Variants in G3BP2 observed in about 807,000 individuals in gnomAD.
G3BP2 encodes G3BP stress granule assembly factor 2, also known as ras GTPase-activating protein-binding protein 2.
G3BP2 carries 11 observed loss-of-function variants against 56.7 expected under a neutral mutation model. That is an observed-to-expected ratio of 0.19 (90% CI 0.12 to 0.32). The LOEUF (loss-of-function observed/expected upper bound fraction) is 0.32, where lower values mean the gene tolerates loss of function less well. Among genes scored for constraint, G3BP2 ranks in the 10% least tolerant of loss-of-function variants. The probability of loss-of-function intolerance (pLI) is 1.00; values close to 1 mark genes in which losing one functional copy is unlikely to be tolerated. For synonymous variants in G3BP2, 165 were observed against 191.6 expected, an observed-to-expected ratio of 0.86 and a Z score of 1.15; for missense variants, 340 against 610.9, an observed-to-expected ratio of 0.56 and a Z score of 4.67.
At chr4:75,685,739 A>T (rs994022094) in intron 3 of G3BP2, among the ~76,000 whole-genome samples, 3 of 152,212 alleles carry the variant, frequency 2.0e-5, no homozygotes, top group Non-Finnish European at 2.9e-5. Context: ...TTATTTTTAG[A>T]CAGTATGGTC....
chr4:75,677,413 A>G (rs893108558), upstream of G3BP2, among the ~76,000 whole-genome samples: 6 of 152,070 alleles, frequency 3.9e-5, no homozygotes, highest in African/African-American at 1.4e-4. Context: ...TCTACTAAAA[A>G]TACAAAAATT....
chr4:75,674,718 A>ATATATATATTTTT (rs1241041465), upstream of G3BP2, among the ~76,000 whole-genome samples: 1 of 71,424 alleles, frequency 1.4e-5, no homozygotes, highest in African/African-American at 5.9e-5. Flanking sequence ...ATATATATAT[A>ATATATATATTTTT]TTTTTTTTTT....
At chr4:75,694,174 C>T (rs1718998942) in intron 3 of G3BP2, among the ~76,000 whole-genome samples, 1 of 152,172 alleles carries the variant, frequency 6.6e-6, no homozygotes, top group Non-Finnish European at 1.5e-5. Flanking sequence ...AGGAGAATCC[C>T]TCTATTAATA....
intron 3 of G3BP2, 108 bp downstream of exon 3, chr4:75,658,735 A>AG: frequency 1.3e-6 from 1 of 776,152 alleles, no homozygotes; most frequent in East Asian, 2.5e-5. Context: ...CTCAAAAAAA[A>AG]AAGAGAAAGA....
chr4:75,709,321 G>A (rs1436670741), intron 3 of G3BP2, among the ~76,000 whole-genome samples: 2 of 149,548 alleles, frequency 1.3e-5, no homozygotes, highest in Non-Finnish European at 1.5e-5. Flanking sequence ...TCAGGAGGCT[G>A]AGGAAGGAGA....
At chr4:75,653,947 CA>C in intron 8 of G3BP2, 35 bp downstream of exon 8, 1 of 912,194 alleles carries the variant, frequency 1.1e-6, no homozygotes, top group Non-Finnish European at 1.8e-6. Context: ...GGCAATGTAA[CA>C]AGGATACAAT....
intron 3 of G3BP2, chr4:75,695,025 A>ACAGG: frequency 1.5e-6 from 1 of 675,870 alleles, no homozygotes; most frequent in Non-Finnish European, 1.8e-6. Flanking sequence ...CTCAAGAGCC[A>ACAGG]GTATCCAGAA....
chr4:75,643,315 A>ATATATATATATATATATATATATATATG lies in G3BP2; in HGVS notation c.*2114_*2115insCATATATATATATATATATATATATATA, dbSNP rs1166357883. The ATATATATATATATATATATATATATATG allele has an allele frequency of 1.6e-4, 22 of 135,660 alleles. No individual in the cohort carries two copies. The highest frequency in any genetic ancestry group is 9.0e-4 in the South Asian group (4 of 4,430). 8.4% of individuals were successfully genotyped at this position (135,660 alleles called of 1,614,324 possible). ...GGAAATTATATATATATATATATATATGGAAACAGAAATACAAGAAAATAT... is the reference window on the plus strand; with the variant it reads ...GGAAATTATATATATATATATATATATATATATATATATATATATATATATATGTGGAAACAGAAATACAAGAAAATAT... On this transcript the variant is annotated 3_prime_UTR_variant, in exon 12 of 12. Coordinates refer to ENST00000359707, the MANE Select transcript of G3BP2 (RefSeq NM_203505.3).
rs1312680131 is a variant in G3BP2, at chr4:75,643,526, T to C, written c.*1904A>G. On this transcript the variant is annotated 3_prime_UTR_variant, in exon 12 of 12. Coordinates refer to ENST00000359707, the MANE Select transcript of G3BP2 (RefSeq NM_203505.3). ...CCCCCAAAAATGGAAACTATGAAAA[T>C]CTGTGTCCCCAAAATATATGCAATA... 6.8e-6 allele frequency: 1 copy of C among 147,440 alleles called. No homozygotes were observed. Among genetic ancestry groups the C allele is most frequent in the Admixed American group, 6.8e-5 (1 of 14,786 alleles). The allele number at this position is 147,440 out of a possible 1,614,324, so 9.1% of individuals were successfully genotyped here.
At chr4:75,707,349 C>T (rs1316811573) in intron 3 of G3BP2, among the ~76,000 whole-genome samples, 1 of 151,812 alleles carries the variant, frequency 6.6e-6, no homozygotes, top group East Asian at 1.9e-4. Context: ...ATCGGCAGCG[C>T]CGTGGCTCAC....
intron 3 of G3BP2, among the ~76,000 whole-genome samples, chr4:75,707,603 CA>C (rs34253273): frequency 9.9e-4 from 116 of 116,782 alleles, no homozygotes; most frequent in Middle Eastern, 4.9e-3. Flanking sequence ...GAGCGAGACT[CA>C]AAAAAAAAAA....
chr4:75,680,741 C>T (rs934849493), intron 3 of G3BP2, among the ~76,000 whole-genome samples: 18 of 151,340 alleles, frequency 1.2e-4, no homozygotes, highest in African/African-American at 3.6e-4. Context: ...CTGAGGCGGG[C>T]GGATCGCGAG....
chr4:75,673,045 C>T (rs1733623587), intron 1 of G3BP2, 163 bp downstream of exon 1: 3 of 995,354 alleles, frequency 3.0e-6, no homozygotes, highest in South Asian at 4.7e-5. Flanking sequence ...TCTTCTCTCA[C>T]GCACACACGG....
intron 2 of G3BP2, 190 bp downstream of exon 2, chr4:75,661,741 A>G: frequency 1.8e-6 from 1 of 551,458 alleles, no homozygotes; most frequent in Non-Finnish European, 3.3e-6. Flanking sequence ...TATGACATAA[A>G]ATGTTTTTAT....
At chr4:75,699,400 G>A (rs1283906210) in intron 3 of G3BP2, among the ~76,000 whole-genome samples, 3 of 152,290 alleles carry the variant, frequency 2.0e-5, no homozygotes, top group South Asian at 2.1e-4. Flanking sequence ...TACCCAGTGG[G>A]AGTCATTATT....
chr4:75,673,407 G>C lies in G3BP2; in HGVS notation c.-224C>G. The C allele has an allele frequency of 8.1e-7, 1 of 1,232,246 alleles. No homozygotes were observed. Among genetic ancestry groups the C allele is most frequent in the Non-Finnish European group, 1.0e-6 (1 of 988,044 alleles). The allele number at this position is 1,232,246 out of a possible 1,614,324, so 76.3% of individuals were successfully genotyped here. On this transcript the variant is annotated 5_prime_UTR_variant, in exon 1 of 12. Coordinates refer to ENST00000359707, the MANE Select transcript of G3BP2 (RefSeq NM_203505.3). ...CGCTGCGACGTGCGACAAGGACCAC[G>C]GACGTCCCGCCCCCTTTGCCACCGC...
chr4:75,723,537 A>T (rs1720265493), intron 1 of G3BP2, among the ~76,000 whole-genome samples: 1 of 152,202 alleles, frequency 6.6e-6, no homozygotes, highest in Non-Finnish European at 1.5e-5. Context: ...ATAGGACATG[A>T]CTATTGATTG....
chr4:75,713,104 A>G (rs1377755280), intron 3 of G3BP2, among the ~76,000 whole-genome samples: 1 of 152,338 alleles, frequency 6.6e-6, no homozygotes, highest in East Asian at 1.9e-4. Flanking sequence ...CACCAATGCT[A>G]TTAGGTTGGC....
At chr4:75,662,372 G>A (rs996386959) in intron 1 of G3BP2, 7 of 173,994 alleles carry the variant, frequency 4.0e-5, no homozygotes, top group Non-Finnish European at 7.3e-5. Context: ...ACAGGCATAC[G>A]CCACCACACC....
Sources: allele counts gnomAD v4.1 joint callset (sites outside exome capture counted in the v4.1 genomes callset), GRCh38; gene constraint gnomAD v4.1.1; transcripts MANE v1.5; gene names NCBI Gene and HGNC (gene_info 2026-07-23, HGNC 2026-07-21).